Variants in AGBL4 observed in about 807,000 individuals in gnomAD.
AGBL4 encodes the protein cytosolic carboxypeptidase 6.
Under a neutral mutation model 66.4 loss-of-function variants are expected in AGBL4, and 58 were observed. The ratio of observed to expected loss-of-function variants is 0.87; its 90% CI spans 0.71 to 1.09. The LOEUF (loss-of-function observed/expected upper bound fraction) is 1.09, where lower values mean the gene tolerates loss of function less well. Ranked by LOEUF, AGBL4 falls within the 50% of genes least tolerant of loss-of-function variation. The pLI is 0.00. For missense variants in AGBL4, 579 were observed against 631.0 expected (o/e 0.92, Z 0.88); for synonymous variants, 234 against 222.9 (o/e 1.05, Z -0.44).
At chr1:48,641,681 C>T (rs919189275) in intron 8 of AGBL4, among the ~76,000 whole-genome samples, 8 of 152,154 alleles carry the variant, frequency 5.3e-5, no homozygotes, top group Admixed American at 3.9e-4. Flanking sequence ...GTCTCGTACA[C>T]AGCTGACTCT....
chr1:49,705,757 G>T (rs1182138546), intron 2 of AGBL4, among the ~76,000 whole-genome samples: 1 of 151,794 alleles, frequency 6.6e-6, no homozygotes, highest in Non-Finnish European at 1.5e-5. Flanking sequence ...TACCATGAAA[G>T]GGTGTTGAAT....
chr1:49,700,549 T>C (rs1028050761), intron 2 of AGBL4, among the ~76,000 whole-genome samples: 6 of 152,086 alleles, frequency 3.9e-5, no homozygotes, highest in African/African-American at 1.4e-4. Context: ...TTTATAGAAC[T>C]AAATAATATA....
At chr1:48,734,829 G>A (rs1330178476) in intron 6 of AGBL4, among the ~76,000 whole-genome samples, 1 of 152,194 alleles carries the variant, frequency 6.6e-6, no homozygotes, top group African/African-American at 2.4e-5. Context: ...CTTGTTCCTG[G>A]ACATATTTGT....
At chr1:49,063,489 A>ACT (rs1644438437) in intron 4 of AGBL4, among the ~76,000 whole-genome samples, 23 of 152,336 alleles carry the variant, frequency 1.5e-4, no homozygotes, top group Admixed American at 7.2e-4. Context: ...TTAGAAGCAG[A>ACT]GCTTAAGAAC....
chr1:49,468,929 C>A (rs770033489), intron 3 of AGBL4, among the ~76,000 whole-genome samples: 1 of 151,796 alleles, frequency 6.6e-6, no homozygotes, highest in Non-Finnish European at 1.5e-5. Context: ...GATCTCAGCT[C>A]TTTGGATGAC....
At chr1:49,134,219 CAGA>C (rs1645959410) in intron 4 of AGBL4, among the ~76,000 whole-genome samples, 1 of 152,056 alleles carries the variant, frequency 6.6e-6, no homozygotes, top group Admixed American at 6.6e-5. Flanking sequence ...GATCACAAGG[CAGA>C]AGGTCAGGGC....
intron 3 of AGBL4, among the ~76,000 whole-genome samples, chr1:49,459,496 A>T (rs976405114): frequency 6.6e-6 from 1 of 151,466 alleles, no homozygotes; most frequent in African/African-American, 2.4e-5. Context: ...CTGCTGCATC[A>T]GTAGTAGTAT....
intron 6 of AGBL4, among the ~76,000 whole-genome samples, chr1:48,799,388 T>A (rs1327917638): frequency 6.6e-6 from 1 of 152,202 alleles, no homozygotes; most frequent in Non-Finnish European, 1.5e-5. Flanking sequence ...ATCTAGGTGC[T>A]TTCTGGATGA....
intron 2 of AGBL4, among the ~76,000 whole-genome samples, chr1:49,793,489 C>G (rs1303077094): frequency 6.6e-6 from 1 of 151,944 alleles, no homozygotes; most frequent in Non-Finnish European, 1.5e-5. Flanking sequence ...CAGACTGCTG[C>G]TCTGAAGGTA....
At chr1:49,013,123 T>C (rs1662572839) in intron 5 of AGBL4, among the ~76,000 whole-genome samples, 3 of 152,194 alleles carry the variant, frequency 2.0e-5, no homozygotes, top group Non-Finnish European at 2.9e-5. Flanking sequence ...ATTTATTCCT[T>C]ATAAATTACC....
chr1:48,545,217 G>A (rs1357635602), intron 11 of AGBL4, among the ~76,000 whole-genome samples: 2 of 152,194 alleles, frequency 1.3e-5, no homozygotes, highest in Admixed American at 6.5e-5. Flanking sequence ...GAAAGGAGAT[G>A]GGCTGTTCCA....
chr1:49,576,755 C>T (rs1263407892), intron 3 of AGBL4, among the ~76,000 whole-genome samples: 1 of 152,200 alleles, frequency 6.6e-6, no homozygotes, highest in African/African-American at 2.4e-5. Context: ...ACTCTGCCTT[C>T]TCTTCCCCAG....
intron 9 of AGBL4, among the ~76,000 whole-genome samples, chr1:48,609,725 C>A (rs1330981050): frequency 2.0e-5 from 3 of 152,168 alleles, no homozygotes; most frequent in Non-Finnish European, 4.4e-5. Flanking sequence ...GCTTGGTTGC[C>A]ATTTTCATTA....
At chr1:49,417,835 T>A (rs1284406301) in intron 3 of AGBL4, among the ~76,000 whole-genome samples, 1 of 152,130 alleles carries the variant, frequency 6.6e-6, no homozygotes, top group East Asian at 1.9e-4. Flanking sequence ...GAACAGTCAG[T>A]AGTTTAAAGC....
At chr1:48,994,494 A>C (rs2148982698) in intron 5 of AGBL4, among the ~76,000 whole-genome samples, 1 of 152,268 alleles carries the variant, frequency 6.6e-6, no homozygotes, top group East Asian at 1.9e-4. Flanking sequence ...TGTTATCCCC[A>C]TTTAAAATGT....
chr1:48,526,741 A>C, the AGBL4 span, among the ~76,000 whole-genome samples: 1 of 151,812 alleles, frequency 6.6e-6, no homozygotes, highest in Admixed American at 6.6e-5. Context: ...TGTTTTTACT[A>C]GTAGTAATAG....
chr1:48,778,690 AAT>A (rs1347471899), intron 6 of AGBL4, among the ~76,000 whole-genome samples: 3 of 152,172 alleles, frequency 2.0e-5, no homozygotes, highest in Non-Finnish European at 4.4e-5. Context: ...TATTTTCCAC[AAT>A]GTTTTATTAC....
intron 3 of AGBL4, among the ~76,000 whole-genome samples, chr1:49,671,479 C>T (rs1646475128): frequency 6.6e-6 from 1 of 152,040 alleles, no homozygotes; most frequent in South Asian, 2.1e-4. Context: ...CAAAAATTGA[C>T]AAATGAGAAC....
intron 9 of AGBL4, among the ~76,000 whole-genome samples, chr1:48,592,964 G>C (rs1352033803): frequency 6.6e-6 from 1 of 152,106 alleles, no homozygotes; most frequent in African/African-American, 2.4e-5. Flanking sequence ...GGCTTCCACT[G>C]TCCCATCCTG....
Sources: gnomAD v4.1 joint callset for allele counts (sites outside exome capture counted in the v4.1 genomes callset) on GRCh38, gnomAD v4.1.1 for gene constraint, MANE v1.5 for transcripts, NCBI Gene and HGNC (gene_info 2026-07-23, HGNC 2026-07-21) for gene names.